AR: variants seen among roughly 807,000 people sequenced by gnomAD.
AR encodes the protein androgen receptor.
In AR, 8 loss-of-function variants were observed where a neutral mutation model predicts 53.9. That is an observed-to-expected ratio of 0.15 (90% CI 0.09 to 0.27). The LOEUF (loss-of-function observed/expected upper bound fraction) is 0.27. Among genes scored for constraint, AR ranks in the 10% least tolerant of loss-of-function variants. AR has a pLI of 1.00. For missense variants in AR, 639 were observed against 742.5 expected (o/e 0.86, Z 1.62); for synonymous variants, 359 against 316.4 (o/e 1.13, Z -1.43).
chrX:67,575,809 G>T (rs1434121479), intron 1 of AR, among the ~76,000 whole-genome samples: 1 of 111,701 alleles, frequency 9.0e-6, no homozygotes, highest in Non-Finnish European at 1.9e-5. Flanking sequence ...TGTCTATTTG[G>T]AGTGGGCTGT....
intron 1 of AR, among the ~76,000 whole-genome samples, chrX:67,558,376 T>C (rs1921148773): frequency 8.9e-6 from 1 of 112,014 alleles, no homozygotes. Flanking sequence ...AAGGAACATG[T>C]CCAAGGGTCA....
chrX:67,561,455 T>C (rs1474606620), intron 1 of AR, among the ~76,000 whole-genome samples: 1 of 112,406 alleles, frequency 8.9e-6, no homozygotes, highest in Non-Finnish European at 1.9e-5. Flanking sequence ...TAAAATTATG[T>C]AAAACAACTA....
At chrX:67,584,785 T>G (rs1358517701) in intron 1 of AR, among the ~76,000 whole-genome samples, 4 of 112,121 alleles carry the variant, frequency 3.6e-5, no homozygotes, top group Non-Finnish European at 5.6e-5. Flanking sequence ...CTTCTTTGTT[T>G]GCAAGGCTGA....
At chrX:67,626,316 G>C (rs1428370719) in intron 1 of AR, among the ~76,000 whole-genome samples, 1 of 109,103 alleles carries the variant, frequency 9.2e-6, no homozygotes, top group African/African-American at 3.3e-5. Flanking sequence ...AATTTTATTA[G>C]CTCCCACAAA....
chrX:67,698,641 C>A (rs1346754029), intron 3 of AR, among the ~76,000 whole-genome samples: 1 of 112,543 alleles, frequency 8.9e-6, no homozygotes, highest in African/African-American at 3.2e-5. Flanking sequence ...ACCAAACACA[C>A]CTTTATGTTT....
In AR at chrX:67,722,077, T is replaced by G. The variant is rs1016996682; in HGVS notation, c.2449+114T>G. 4.4e-6 allele frequency: 4 copies of G among 901,297 alleles called. No individual in the cohort carries two copies. In the Admixed American group the frequency reaches 1.1e-4, roughly 24 times the overall value. The allele number at this position is 901,297 out of a possible 1,213,427, so 74.3% of individuals were successfully genotyped here. ...AGCCAGCTCCTGGACATTTCCCTTCTTCATTCCCCCTCCCCATCCCCACTC... is the reference window on the plus strand; with the variant it reads ...AGCCAGCTCCTGGACATTTCCCTTCGTCATTCCCCCTCCCCATCCCCACTC... On this transcript the variant is annotated intron_variant, in intron 6 of 7. Transcript: ENST00000374690.
Position 67,546,605 on chromosome X carries a change from C to A in AR, c.1459C>A (p.Pro487Thr). 1 of 1,187,137 alleles carries A rather than the reference C, an allele frequency of 8.4e-7. No homozygotes were observed. Among genetic ancestry groups the A allele is most frequent in the Non-Finnish European group, 1.1e-6 (1 of 883,318 alleles). ...AVAPYGYTRP[P>T]QGLAGQESDF... is the part of the protein sequence containing the mutation. ...AGCCCCCTACGGCTACACTCGGCCC[C>A]CTCAGGGGCTGGCGGGCCAGGAAAG... Residue 487 changes from proline (P) to threonine (T), a missense_variant, in exon 1 of 8, where the codon CCT (proline) becomes ACT (threonine). Physicochemically the swap from Pro to Thr is conservative, Grantham distance 38. Transcript: ENST00000374690.
rs1156889123 is a variant in AR at position 67,641,823 on chromosome X, C to T, written c.1617-1433C>T. ...TTTCTTTGCTCTTGTCCTGACATAG[C>T]TGTTCACTTGGGGTTGAGGGGAGGA... On this transcript the variant is annotated intron_variant, in intron 1 of 7. Transcript: ENST00000374690. Among the ~76,000 whole-genome samples the T allele has an allele frequency of 4.7e-5, 5 of 105,927 alleles. No homozygotes were observed. The East Asian group carries it at 1.5e-3, about 31-fold the overall frequency. The allele number at this position is 105,927 out of a possible 115,157, so 92.0% of individuals were successfully genotyped here. A position where few individuals can be genotyped will look rare whatever the true frequency, so the allele number is the denominator to read the frequency against.
intron 3 of AR, among the ~76,000 whole-genome samples, chrX:67,698,347 C>T (rs2076029398): frequency 8.9e-6 from 1 of 112,364 alleles, no homozygotes. Context: ...AACTGGCTTC[C>T]CCAGAGCCAG....
intron 1 of AR, among the ~76,000 whole-genome samples, chrX:67,638,338 C>T (rs1348271698): frequency 9.0e-6 from 1 of 111,608 alleles, no homozygotes; most frequent in African/African-American, 3.3e-5. Flanking sequence ...TTTATATACC[C>T]AGTAATAGAA....
chrX:67,599,321 G>A (rs1189485557), intron 1 of AR, among the ~76,000 whole-genome samples: 1 of 111,993 alleles, frequency 8.9e-6, no homozygotes, highest in Non-Finnish European at 1.9e-5. Context: ...AGGATGTTTA[G>A]TAAATAGATT....
chrX:67,586,688 A>G (rs1396497241), intron 1 of AR, among the ~76,000 whole-genome samples: 1 of 112,212 alleles, frequency 8.9e-6, no homozygotes, highest in Admixed American at 9.4e-5. Flanking sequence ...ATGAGGTTAG[A>G]CGGTTGGTAG....
intron 3 of AR, chrX:67,695,292 C>T (rs1433099454): frequency 1.3e-6 from 1 of 754,316 alleles, no homozygotes; most frequent in African/African-American, 2.3e-5. Context: ...TAGCCTCAGG[C>T]CCTGTCACTG....
intron 1 of AR, among the ~76,000 whole-genome samples, chrX:67,640,261 G>C (rs1337815778): frequency 9.0e-6 from 1 of 111,331 alleles, no homozygotes; most frequent in Non-Finnish European, 1.9e-5. Context: ...TGTTCATCAG[G>C]GTTATTGGCC....
chrX:67,673,516 C>G (rs1340095249), intron 2 of AR, among the ~76,000 whole-genome samples: 2 of 106,051 alleles, frequency 1.9e-5, no homozygotes, highest in African/African-American at 6.9e-5. Context: ...TTCAAATAGC[C>G]TGTTTTAAAA....
intron 3 of AR, among the ~76,000 whole-genome samples, chrX:67,704,196 T>C (rs1457476882): frequency 8.9e-6 from 1 of 111,917 alleles, no homozygotes; most frequent in South Asian, 3.7e-4. Context: ...GTATTTCTAG[T>C]TCTAGATCCC....
At chrX:67,711,143 A>G (rs1347209235) in intron 3 of AR, among the ~76,000 whole-genome samples, 3 of 112,462 alleles carry the variant, frequency 2.7e-5, no homozygotes, top group Non-Finnish European at 5.6e-5. Flanking sequence ...GCTGGATCCA[A>G]GGATATGCTA....
intron 1 of AR, among the ~76,000 whole-genome samples, chrX:67,583,932 A>G (rs894849850): frequency 8.9e-6 from 1 of 111,957 alleles, no homozygotes; most frequent in Non-Finnish European, 1.9e-5. Flanking sequence ...AATGTTTAGG[A>G]AATGCCCACA....
intron 1 of AR, among the ~76,000 whole-genome samples, chrX:67,553,962 G>A (rs1193328069): frequency 8.9e-6 from 1 of 112,174 alleles, no homozygotes; most frequent in Non-Finnish European, 1.9e-5. Flanking sequence ...GGCTTCTGCT[G>A]CTGCACTGAA....
Sources: gnomAD v4.1 joint callset for allele counts (sites outside exome capture counted in the v4.1 genomes callset) on GRCh38, gnomAD v4.1.1 for gene constraint, MANE v1.5 for transcripts, NCBI Gene and HGNC (gene_info 2026-07-23, HGNC 2026-07-21) for gene names.